ZNF593OS: variants seen among roughly 807,000 people sequenced by gnomAD.
ZNF593OS encodes the protein ZNF593 opposite strand.
downstream of ZNF593OS, chr1:26,169,728 T>A (rs1234308509): frequency 3.2e-5 from 16 of 499,112 alleles, no homozygotes; most frequent in Non-Finnish European, 4.9e-5. Context: ...ACCCCGCGCC[T>A]CCCCAGCGAG....
downstream of ZNF593OS, chr1:26,170,146 CT>C (rs2088471472): frequency 6.4e-7 from 1 of 1,572,202 alleles, no homozygotes; most frequent in Non-Finnish European, 8.6e-7. Flanking sequence ...CGACCCCGAC[CT>C]GCCAGGGGGC....
At chr1:26,170,596 G>A (rs1393439235) in exon 2 of ZNF593OS, 2 of 1,613,794 alleles carry the variant, frequency 1.2e-6, no homozygotes, top group South Asian at 2.2e-5. Flanking sequence ...TGAGCGTCGA[G>A]CCCTACAGTC....
chr1:26,170,260 A>G, downstream of ZNF593OS: 1 of 1,565,886 alleles, frequency 6.4e-7, no homozygotes. Flanking sequence ...TTGAAGCCCC[A>G]GGCAGCGCAG....
rs1400863134 is a variant in ZNF593OS, at chr1:26,171,777, A to C, written c.-116T>G. ...GGTAGAGGGGTCTCTGACCTTCCAC[A>C]TACGCAAGACCCAAGCTCTCAGAGG... On this transcript the variant is annotated 5_prime_UTR_variant, in exon 1 of 2. It removes an upstream start codon present in the reference 5' UTR. Coordinates refer to ENST00000648649, the Ensembl canonical transcript of ZNF593OS. This position sits in a 1 kb window ranked among gnomAD's most constrained non-coding sequence, Gnocchi z 5.5. The C allele has an allele frequency of 2.5e-6, 1 of 397,770 alleles. No homozygotes were observed. Among genetic ancestry groups the C allele is most frequent in the Non-Finnish European group, 4.4e-6 (1 of 225,798 alleles). The allele number at this position is 397,770 out of a possible 1,614,324, so 24.6% of individuals were successfully genotyped here. A position where few individuals can be genotyped will look rare whatever the true frequency, so the allele number is the denominator to read the frequency against.
chr1:26,170,894 C>T (rs2088489757), exon 2 of ZNF593OS: 5 of 781,576 alleles, frequency 6.4e-6, no homozygotes, highest in South Asian at 5.7e-5. Flanking sequence ...ACTCTAACTT[C>T]CAGGCCGCTG....
Position 26,171,257 on chromosome 1 carries a change from C to T in ZNF593OS, c.124G>A (p.Gly42Ser), listed in dbSNP as rs566074790. 24 of 406,120 alleles carry T rather than the reference C, an allele frequency of 5.9e-5. No individual in the cohort carries two copies. Among genetic ancestry groups the T allele is most frequent in the African/African-American group, 1.4e-4 (7 of 48,782 alleles). 25.2% of individuals were successfully genotyped at this position (406,120 alleles called of 1,614,324 possible). A position where few individuals can be genotyped will look rare whatever the true frequency, so the allele number is the denominator to read the frequency against. The change falls in exon 2 of 2, where the codon GGC (glycine) becomes AGC (serine). Residue 42 changes from glycine to serine, a missense_variant. Transcript: ENST00000648649. The surrounding 1 kb of genome is among the most constrained non-coding windows in gnomAD (Gnocchi z 5.5). ...ACGGCATAGCAGGAGCCACCCAGGC[C>T]GAGGACAGCTAGCACTGTAGCCACA...
chr1:26,170,628 C>T (rs1280354725), exon 2 of ZNF593OS: 4 of 1,613,308 alleles, frequency 2.5e-6, no homozygotes, highest in East Asian at 4.5e-5. Flanking sequence ...GAGAGGGCAG[C>T]GGGTATGGGA....
downstream of ZNF593OS, chr1:26,169,998 C>T (rs771110469): frequency 6.5e-6 from 10 of 1,550,136 alleles, no homozygotes; most frequent in Admixed American, 2.0e-4. Context: ...GTCGCTCCCG[C>T]CGGACAGGCG....
chr1:26,171,686 C>A lies in ZNF593OS; in HGVS notation c.-25G>T, dbSNP rs1349489736. 7.5e-6 allele frequency: 3 copies of A among 398,444 alleles called. No individual in the cohort carries two copies. Among genetic ancestry groups the A allele is most frequent in the East Asian group, 7.1e-5 (2 of 28,088 alleles). 24.7% of individuals were successfully genotyped at this position (398,444 alleles called of 1,614,324 possible). A position where few individuals can be genotyped will look rare whatever the true frequency, so the allele number is the denominator to read the frequency against. On this transcript the variant is annotated 5_prime_UTR_variant, in exon 1 of 2. Coordinates refer to ENST00000648649, the Ensembl canonical transcript of ZNF593OS. This position sits in a 1 kb window ranked among gnomAD's most constrained non-coding sequence, Gnocchi z 5.5. ...TGGTGGGCGGCACTGGTCTCCCTGG[C>A]GGCCTGTAGGGTGGGAGCGGACGTG...
downstream of ZNF593OS, chr1:26,169,738 G>A (rs2088464025): frequency 3.9e-6 from 2 of 514,488 alleles, no homozygotes; most frequent in Non-Finnish European, 6.7e-6. Context: ...TCCCCAGCGA[G>A]GGCCCGCGGG....
At position 26,171,315 on chromosome 1, in the gene ZNF593OS, C is replaced by T; in HGVS notation, c.66G>A (p.Leu22=). 1 of 401,146 alleles carries T rather than the reference C, an allele frequency of 2.5e-6. No individual in the cohort carries two copies. Among genetic ancestry groups the T allele is most frequent in the Non-Finnish European group, 4.4e-6 (1 of 227,820 alleles). The allele number at this position is 401,146 out of a possible 1,614,324, so 24.8% of individuals were successfully genotyped here. Residue 22 remains leucine (L), a synonymous_variant, in exon 2 of 2, where the codon CTG becomes CTA. Coordinates refer to ENST00000648649, the Ensembl canonical transcript of ZNF593OS. The surrounding 1 kb of genome is among the most constrained non-coding windows in gnomAD (Gnocchi z 5.5). Reference sequence around the variant, plus strand: ...CCAGCAGACTCCGGGGCTCTGCCTTCAGCTCACCAGCTACCTGCATCTGGA... The same window carrying T: ...CCAGCAGACTCCGGGGCTCTGCCTTTAGCTCACCAGCTACCTGCATCTGGA...
At chr1:26,170,214 G>GA, downstream of ZNF593OS, 1 of 1,580,042 alleles carries the variant, frequency 6.3e-7, no homozygotes, top group South Asian at 1.1e-5. Flanking sequence ...GCCTGGGGCG[G>GA]AGGAGGGTCC....
downstream of ZNF593OS, chr1:26,170,199 G>A (rs1179197490): frequency 6.3e-7 from 1 of 1,575,780 alleles, no homozygotes; most frequent in Admixed American, 1.8e-5. Flanking sequence ...TCCCGGACGA[G>A]CCCGGCCTGG....
chr1:26,170,459 G>C (rs2088478910), downstream of ZNF593OS: 1 of 1,614,076 alleles, frequency 6.2e-7, no homozygotes, highest in African/African-American at 1.3e-5. Context: ...ACCCACTTCC[G>C]ATCCAAAGAC....
At chr1:26,170,888 T>A in exon 2 of ZNF593OS, 1 of 813,280 alleles carries the variant, frequency 1.2e-6, no homozygotes, top group South Asian at 1.9e-5. Flanking sequence ...CCTCCAACTC[T>A]AACTTCCAGG....
At chr1:26,170,764 C>G (rs776356980) in exon 2 of ZNF593OS, 10 of 1,578,758 alleles carry the variant, frequency 6.3e-6, no homozygotes, top group Non-Finnish European at 6.0e-6. Flanking sequence ...GACAGTGACG[C>G]AAGGACTAGG....
chr1:26,169,695 C>T (rs1435546891), downstream of ZNF593OS: 1 of 484,482 alleles, frequency 2.1e-6, no homozygotes, highest in African/African-American at 2.1e-5. Context: ...AAGACGGCCC[C>T]GAAACCCCCA....
downstream of ZNF593OS, chr1:26,169,933 GTGCTCCCTGCCC>G: frequency 6.7e-7 from 1 of 1,492,326 alleles, no homozygotes; most frequent in Non-Finnish European, 8.9e-7. Context: ...GCTCACACGT[GTGCTCCCTGCCC>G]TGCTCCTGGC....
At chr1:26,170,647 G>C (rs760237507) in exon 2 of ZNF593OS, 2 of 1,612,680 alleles carry the variant, frequency 1.2e-6, no homozygotes, top group East Asian at 4.5e-5. Context: ...GATCCTATGT[G>C]CCCCCCAGGC....
Sources: gnomAD v4.1 joint callset for allele counts on GRCh38, gnomAD v4.1.1 for gene constraint, Gnocchi (gnomAD v3.1) non-coding constraint, MANE v1.5 for transcripts, NCBI Gene and HGNC (gene_info 2026-07-23, HGNC 2026-07-21) for gene names.